Variants in CARMIL1 observed in about 807,000 individuals in gnomAD.
CARMIL1 encodes capping protein regulator and myosin 1 linker 1.
A neutral mutation model predicts 177.1 loss-of-function variants in CARMIL1; 90 were observed. That is an observed-to-expected ratio of 0.51 (90% confidence interval 0.43 to 0.61). CARMIL1 has a LOEUF of 0.61. Ranked by LOEUF, CARMIL1 falls within the 20% of genes least tolerant of loss-of-function variation. CARMIL1 has a pLI of 0.00. For synonymous variants in CARMIL1, 577 were observed against 606.2 expected, an observed-to-expected ratio of 0.95 and a Z score of 0.71; for missense variants, 1,380 against 1,667.0, an observed-to-expected ratio of 0.83 and a Z score of 3.00.
chr6:25,530,049 A>C (rs554998050), intron 24 of CARMIL1, among the ~76,000 whole-genome samples: 52 of 152,116 alleles, frequency 3.4e-4, no homozygotes, highest in Non-Finnish European at 6.5e-4. Flanking sequence ...AAAATGAGAG[A>C]TATTAGAGGA....
intron 2 of CARMIL1, among the ~76,000 whole-genome samples, chr6:25,322,202 A>T (rs1261914887): frequency 6.6e-6 from 1 of 152,140 alleles, no homozygotes; most frequent in Admixed American, 6.6e-5. Flanking sequence ...AGCTCACTGC[A>T]ACCTCTGCCT....
Position 25,465,875 on chromosome 6 carries a change from A to G in CARMIL1, c.617A>G (p.Asp206Gly). Residue 206 changes from aspartate (D) to glycine (G), a missense_variant and splice_region_variant, in exon 9 of 37, where the codon GAC (aspartate) becomes GGC (glycine). Coordinates refer to ENST00000329474, the MANE Select transcript of CARMIL1 (RefSeq NM_017640.6). ...LQDFSHLDHR[D>G]LIPIIAALEY... The stretch of plus-strand genomic sequence containing the variant: ...TACTTTGTTGTTTCTGCTTCCAGGG[A>G]CCTAATACCTATCATTGCTGCTCTG... The G allele has an allele frequency of 6.2e-7, 1 of 1,607,178 alleles. No individual in the cohort carries two copies. The highest frequency in any genetic ancestry group is 8.5e-7 in the Non-Finnish European group (1 of 1,173,804).
chr6:25,450,805 C>G (rs1798754161), intron 8 of CARMIL1, 94 bp downstream of exon 8: 5 of 43,916 alleles, frequency 1.1e-4, no homozygotes, highest in Non-Finnish European at 2.7e-4. Context: ...CCCTTCCTCC[C>G]TCCCCTCCCC....
intron 26 of CARMIL1, among the ~76,000 whole-genome samples, chr6:25,547,522 T>G (rs1368659593): frequency 6.6e-6 from 1 of 152,160 alleles, no homozygotes; most frequent in African/African-American, 2.4e-5. Context: ...GCACTGAAGT[T>G]TAGTACAGAA....
At chr6:25,536,557 A>G (rs1173351866) in intron 24 of CARMIL1, among the ~76,000 whole-genome samples, 2 of 152,096 alleles carry the variant, frequency 1.3e-5, no homozygotes, top group Admixed American at 6.6e-5. Flanking sequence ...CTTTTTCAAC[A>G]ATAGGTGCTT....
intron 4 of CARMIL1, among the ~76,000 whole-genome samples, chr6:25,427,264 A>T (rs1391402371): frequency 6.6e-6 from 1 of 152,074 alleles, no homozygotes; most frequent in Non-Finnish European, 1.5e-5. Context: ...GGTTTGCTGC[A>T]CCTATCCATC....
intron 25 of CARMIL1, among the ~76,000 whole-genome samples, chr6:25,538,991 A>G (rs558023222): frequency 7.2e-5 from 11 of 152,102 alleles, no homozygotes; most frequent in African/African-American, 2.7e-4. Context: ...ACGTGCTGGG[A>G]GGGCTGTATA....
intron 2 of CARMIL1, among the ~76,000 whole-genome samples, chr6:25,315,955 T>C (rs892318350): frequency 3.9e-5 from 6 of 152,208 alleles, no homozygotes; most frequent in African/African-American, 1.4e-4. Context: ...CAGGAGCTTA[T>C]TTGCACATTA....
At chr6:25,451,016 C>CCCTCTCCCCTCTCCCCCCTCT (rs1554198824) in intron 8 of CARMIL1, among the ~76,000 whole-genome samples, 1 of 39,372 alleles carries the variant, frequency 2.5e-5, no homozygotes, top group East Asian at 1.4e-3. Flanking sequence ...CTCCCCTCTC[C>CCCTCTCCCCTCTCCCCCCTCT]CCTCTCTTCT....
At chr6:25,429,921 T>C (rs2328887) in intron 4 of CARMIL1, among the ~76,000 whole-genome samples, 138,345 of 151,764 alleles carry the variant, frequency 0.91, 63,130 homozygotes, top group East Asian at 1. Flanking sequence ...TCTTGGCTCA[T>C]TGCAACCTCT....
rs74564196 is a variant in CARMIL1, at chr6:25,616,010, A to G, written c.3980-3437A>G. Among the ~76,000 whole-genome samples the G allele has an allele frequency of 6.7e-3, 1,025 of 152,358 alleles. 7 individuals carry two copies. The highest frequency in any genetic ancestry group is 0.031 in the Middle Eastern group (9 of 294). ...TTGCCACTATAGACAGGGTCTGTATATACATGGAGTGTTTGTTTTGAATAA... is the reference window on the plus strand; with the variant it reads ...TTGCCACTATAGACAGGGTCTGTATGTACATGGAGTGTTTGTTTTGAATAA... On this transcript the variant is annotated intron_variant, in intron 36 of 36. Coordinates refer to ENST00000329474, the MANE Select transcript of CARMIL1 (RefSeq NM_017640.6).
intron 5 of CARMIL1, among the ~76,000 whole-genome samples, chr6:25,436,871 T>G (rs1034030112): frequency 6.6e-6 from 1 of 152,194 alleles, no homozygotes; most frequent in Non-Finnish European, 1.5e-5. Context: ...GGGGCTGCCC[T>G]CTGACTCCTG....
intron 36 of CARMIL1, chr6:25,612,782 G>T: frequency 1.0e-6 from 1 of 985,346 alleles, no homozygotes; most frequent in Non-Finnish European, 1.2e-6. Flanking sequence ...GATCATGACA[G>T]TGGCAAGCCT....
chr6:25,404,107 T>C (rs1251319234), intron 2 of CARMIL1, among the ~76,000 whole-genome samples: 1 of 152,200 alleles, frequency 6.6e-6, no homozygotes, highest in Admixed American at 6.5e-5. Flanking sequence ...CCCCTCCACT[T>C]CTAAGATTAC....
intron 2 of CARMIL1, among the ~76,000 whole-genome samples, chr6:25,308,539 A>T (rs933204766): frequency 6.6e-6 from 1 of 151,878 alleles, no homozygotes; most frequent in Non-Finnish European, 1.5e-5. Context: ...GTGCCACCAC[A>T]CCTGGTTAAT....
At chr6:25,283,523 G>C (rs1398096612) in intron 1 of CARMIL1, among the ~76,000 whole-genome samples, 1 of 152,148 alleles carries the variant, frequency 6.6e-6, no homozygotes, top group East Asian at 1.9e-4. Flanking sequence ...TTTGATTTCA[G>C]ACGTATTCAT....
intron 16 of CARMIL1, among the ~76,000 whole-genome samples, chr6:25,498,774 T>G (rs1803995033): frequency 6.6e-6 from 1 of 152,172 alleles, no homozygotes; most frequent in Non-Finnish European, 1.5e-5. Flanking sequence ...AACTGGCCTT[T>G]TGGTTTTCAG....
At chr6:25,288,480 T>G (rs1781693646) in intron 2 of CARMIL1, among the ~76,000 whole-genome samples, 1 of 147,032 alleles carries the variant, frequency 6.8e-6, no homozygotes, top group Admixed American at 6.8e-5. Flanking sequence ...AGAATCAGGT[T>G]TTTTTTTTTT....
At chr6:25,496,282 A>G (rs967973422) in intron 16 of CARMIL1, among the ~76,000 whole-genome samples, 7 of 152,102 alleles carry the variant, frequency 4.6e-5, no homozygotes, top group Admixed American at 4.6e-4. Flanking sequence ...GTTTCAGACC[A>G]GCTTGGCCAA....
Sources: allele counts gnomAD v4.1 joint callset (sites outside exome capture counted in the v4.1 genomes callset), GRCh38; gene constraint gnomAD v4.1.1; transcripts MANE v1.5; gene names NCBI Gene and HGNC (gene_info 2026-07-23, HGNC 2026-07-21).